The following EYS variants were observed in gnomAD, a reference collection of about 807,000 sequenced individuals.
EYS encodes EGF-like photoreceptor maintenance factor.
Under a neutral mutation model 282.1 loss-of-function variants are expected in EYS, and 250 were observed. The observed-to-expected ratio is 0.89, with a 90% CI of 0.80 to 0.98. The LOEUF (loss-of-function observed/expected upper bound fraction) is 0.98, where lower values mean the gene tolerates loss of function less well. Among genes scored for constraint, EYS ranks in the 50% least tolerant of loss-of-function variants. The pLI is 0.00. For synonymous variants in EYS, 1,355 were observed against 1,282.9 expected, an observed-to-expected ratio of 1.06 and a Z score of -1.20; for missense variants, 4,016 against 3,709.0, an observed-to-expected ratio of 1.08 and a Z score of -2.15.
intron 31 of EYS, among the ~76,000 whole-genome samples, chr6:64,114,935 G>A (rs1178486024): frequency 6.6e-6 from 1 of 152,116 alleles, no homozygotes; most frequent in Non-Finnish European, 1.5e-5. Flanking sequence ...CAGCTCCCCT[G>A]CAGCCCCATA....
intron 19 of EYS, among the ~76,000 whole-genome samples, chr6:64,849,808 A>G (rs1765826141): frequency 1.3e-5 from 2 of 151,878 alleles, no homozygotes; most frequent in Admixed American, 1.3e-4. Flanking sequence ...CCCCATCTTT[A>G]ATATCACCAA....
chr6:64,155,990 A>ATG lies in EYS; in HGVS notation c.6425-73990_6425-73989dup, dbSNP rs141895339. ...TCAAACATATCATTTATATATATATATGTGTGTGTGTGTGTGTATGTGTGT... is the reference window on the plus strand; with the variant it reads ...TCAAACATATCATTTATATATATATATGTGTGTGTGTGTGTGTGTATGTGTGT... On this transcript the variant is annotated intron_variant, in intron 31 of 42. Transcript: ENST00000503581. Among the ~76,000 whole-genome samples, 633 of 148,410 alleles carry ATG rather than the reference A, an allele frequency of 4.3e-3. 2 individuals carry two copies. Among genetic ancestry groups the ATG allele is most frequent in the African/African-American group, 0.012 (467 of 40,402 alleles).
chr6:64,736,062 G>A (rs1307617647), intron 22 of EYS, among the ~76,000 whole-genome samples: 2 of 151,896 alleles, frequency 1.3e-5, no homozygotes, highest in East Asian at 3.9e-4. Context: ...AAATTCTCAA[G>A]CCCTTTCTAT....
chr6:65,036,138 A>G (rs1772763008), intron 13 of EYS, among the ~76,000 whole-genome samples: 1 of 150,646 alleles, frequency 6.6e-6, no homozygotes. Flanking sequence ...AAACACATAG[A>G]CCAATGGCAT....
intron 36 of EYS, among the ~76,000 whole-genome samples, chr6:63,855,030 G>C (rs1426854472): frequency 8.5e-5 from 13 of 152,326 alleles, no homozygotes; most frequent in Admixed American, 7.8e-4. Context: ...CCATTAGACT[G>C]GTATACTCTT....
chr6:65,345,677 T>G (rs892970142), intron 9 of EYS, among the ~76,000 whole-genome samples: 1 of 151,742 alleles, frequency 6.6e-6, no homozygotes, highest in Non-Finnish European at 1.5e-5. Context: ...TTTTTCATAA[T>G]GATATATCTG....
At chr6:65,286,866 T>G (rs985559925) in intron 12 of EYS, among the ~76,000 whole-genome samples, 2 of 151,670 alleles carry the variant, frequency 1.3e-5, no homozygotes, top group Non-Finnish European at 3.0e-5. Flanking sequence ...GGGTTTTAGT[T>G]TTGTATTTGT....
At chr6:65,577,167 A>T (rs1764699847) in intron 2 of EYS, among the ~76,000 whole-genome samples, 1 of 151,952 alleles carries the variant, frequency 6.6e-6, no homozygotes, top group African/African-American at 2.4e-5. Flanking sequence ...CCTGATTTCT[A>T]AATCTATTAC....
At chr6:64,473,567 T>C (rs547642442) in intron 26 of EYS, among the ~76,000 whole-genome samples, 101 of 152,306 alleles carry the variant, frequency 6.6e-4, no homozygotes, top group African/African-American at 2.2e-3. Context: ...TAGTAAATGA[T>C]AAATACAATT....
At chr6:64,235,857 G>C (rs1766588084) in intron 30 of EYS, among the ~76,000 whole-genome samples, 1 of 152,116 alleles carries the variant, frequency 6.6e-6, no homozygotes, top group Non-Finnish European at 1.5e-5. Flanking sequence ...AAAGAGTCCA[G>C]GACCAGATGG....
At chr6:65,488,302 T>C (rs1765889394) in intron 5 of EYS, among the ~76,000 whole-genome samples, 1 of 152,196 alleles carries the variant, frequency 6.6e-6, no homozygotes, top group Non-Finnish European at 1.5e-5. Context: ...CTTTCTCTTG[T>C]GGGCATTTAG....
At chr6:63,909,626 G>A (rs1773864372) in intron 35 of EYS, among the ~76,000 whole-genome samples, 1 of 152,186 alleles carries the variant, frequency 6.6e-6, no homozygotes, top group South Asian at 2.1e-4. Context: ...ATCAGCAAAT[G>A]CTACAAATCA....
chr6:64,000,233 C>T (rs1473397841), intron 33 of EYS, among the ~76,000 whole-genome samples: 89 of 118,570 alleles, frequency 7.5e-4, no homozygotes, highest in African/African-American at 3.0e-3. Context: ...GCTCTGTCGC[C>T]CAGGCTGGAG....
intron 22 of EYS, among the ~76,000 whole-genome samples, chr6:64,773,507 G>A (rs1454211681): frequency 1.3e-5 from 2 of 151,786 alleles, no homozygotes; most frequent in African/African-American, 4.8e-5. Context: ...TGGGATTGCT[G>A]GATCGAATGT....
chr6:65,165,504 C>G (rs544885164), intron 12 of EYS, among the ~76,000 whole-genome samples: 20 of 151,220 alleles, frequency 1.3e-4, no homozygotes, highest in Middle Eastern at 3.4e-3. Flanking sequence ...ATTTTATCAT[C>G]TTATGAATTC....
At chr6:64,200,147 A>G (rs1310349425) in intron 31 of EYS, among the ~76,000 whole-genome samples, 1 of 152,196 alleles carries the variant, frequency 6.6e-6, no homozygotes, top group Non-Finnish European at 1.5e-5. Flanking sequence ...AGGCAGTAAA[A>G]GAGACCAGTG....
chr6:63,776,829 TTTA>T (rs1770076542), intron 40 of EYS, among the ~76,000 whole-genome samples: 1 of 152,102 alleles, frequency 6.6e-6, no homozygotes, highest in African/African-American at 2.4e-5. Context: ...TAGATCCCTG[TTTA>T]TTATCACATA....
intron 37 of EYS, among the ~76,000 whole-genome samples, chr6:63,799,980 C>T (rs1179721407): frequency 3.9e-5 from 6 of 152,094 alleles, no homozygotes; most frequent in African/African-American, 9.7e-5. Flanking sequence ...CTGTTGGAGT[C>T]GAGAAGCTGA....
intron 30 of EYS, among the ~76,000 whole-genome samples, chr6:64,286,087 G>T (rs151235781): frequency 0.016 from 2,451 of 152,248 alleles, 224 homozygotes; most frequent in Admixed American, 0.14. Flanking sequence ...AATATAGTGG[G>T]TTTTAAGCAT....
Sources: allele counts gnomAD v4.1 joint callset (sites outside exome capture counted in the v4.1 genomes callset), GRCh38; gene constraint gnomAD v4.1.1; transcripts MANE v1.5; gene names NCBI Gene and HGNC (gene_info 2026-07-23, HGNC 2026-07-21).